The following PGC variants were observed in gnomAD, a reference collection of about 807,000 sequenced individuals.
The protein encoded by PGC is progastricsin, also known as gastricsin.
A neutral mutation model predicts 45.9 loss-of-function variants in PGC; 31 were observed. The ratio of observed to expected loss-of-function variants is 0.67; its 90% CI spans 0.51 to 0.91. The LOEUF (loss-of-function observed/expected upper bound fraction) is 0.91. Among genes scored for constraint, PGC ranks in the 40% least tolerant of loss-of-function variants. PGC has a pLI of 0.00. For synonymous variants in PGC, 192 were observed against 201.8 expected (o/e 0.95, Z 0.41); for missense variants, 477 against 493.2 (o/e 0.97, Z 0.31).
chr6:41,739,018 C>G (rs1309071146), intron 7 of PGC, among the ~76,000 whole-genome samples: 5 of 152,040 alleles, frequency 3.3e-5, no homozygotes, highest in Admixed American at 3.3e-4. Flanking sequence ...ATAATGAGTA[C>G]CCCACTGGTC....
chr6:41,747,234 C>T (rs200061746), intron 1 of PGC, 42 bp downstream of exon 1: 15 of 1,573,402 alleles, frequency 9.5e-6, no homozygotes, highest in Non-Finnish European at 1.3e-5. Flanking sequence ...CTTTAGGCTC[C>T]CATCCAGGCT....
At chr6:41,743,458 G>T in intron 3 of PGC, 69 bp from the exon 4 acceptor site, 1 of 954,280 alleles carries the variant, frequency 1.0e-6, no homozygotes, top group Non-Finnish European at 1.7e-6. Context: ...CAGGCCTGCC[G>T]GGTTCCCACC....
intron 6 of PGC, 66 bp from the exon 7 acceptor site, chr6:41,740,012 C>G: frequency 2.7e-6 from 4 of 1,458,486 alleles, no homozygotes; most frequent in Non-Finnish European, 3.8e-6. Context: ...GCGGGCTTTC[C>G]CCACCACTGT....
rs113069129 is a variant in PGC, at chr6:41,740,471, G to A, written c.767+20C>T. 1 of 1,594,872 alleles carries A rather than the reference G, an allele frequency of 6.3e-7. No homozygotes were observed. Among genetic ancestry groups the A allele is most frequent in the South Asian group, 1.1e-5 (1 of 88,266 alleles). ...ACTCCAAGGAAGTGCCACATCCCCAGGGCCCCACCGCAGACTCACTCTTCA... is the reference window on the plus strand; with the variant it reads ...ACTCCAAGGAAGTGCCACATCCCCAAGGCCCCACCGCAGACTCACTCTTCA... On this transcript the variant is annotated intron_variant, in intron 6 of 8. Coordinates refer to ENST00000373025, the MANE Select transcript of PGC (RefSeq NM_002630.4).
intron 4 of PGC, among the ~76,000 whole-genome samples, chr6:41,742,938 A>G (rs1348444705): frequency 6.6e-6 from 1 of 152,118 alleles, no homozygotes; most frequent in Non-Finnish European, 1.5e-5. Flanking sequence ...CTGCCTCTTG[A>G]CAGGTGTTGC....
Position 41,739,905 on chromosome 6 carries a change from C to G in PGC, c.809G>C (p.Gly270Ala). ...GGQASGWCSE[G>A]CQAIVDTGTS... ...GCCTGTGTCCACGATGGCCTGGCAA[C>G]CCTCAGAACACCAGCCGGAGGCCTG... Residue 270 changes from glycine (G) to alanine (A), a missense_variant, in exon 7 of 9, where the codon GGT (glycine) becomes GCT (alanine). Transcript: ENST00000373025. The G allele has an allele frequency of 6.2e-7, 1 of 1,614,160 alleles. No homozygotes were observed. Among genetic ancestry groups the G allele is most frequent in the Non-Finnish European group, 8.5e-7 (1 of 1,179,996 alleles).
In PGC at chr6:41,742,380, G is replaced by A. The variant is rs1771844474; in HGVS notation, c.557C>T (p.Ala186Val). The A allele has an allele frequency of 9.9e-6, 16 of 1,614,180 alleles. No individual in the cohort carries two copies. Among genetic ancestry groups the A allele is most frequent in the Non-Finnish European group, 1.4e-5 (16 of 1,180,010 alleles). The change falls in exon 5 of 9, where the codon GCT becomes GTT. Residue 186 changes from alanine to valine, a missense_variant. Physicochemically the swap from Ala to Val is moderately conservative, Grantham distance 64 (BLOSUM62 0). Transcript: ENST00000373025. Reference sequence around the variant, plus strand: ...TGTGGTGGCCTCATCCACGGACAGAGCAGGGTAGGCCAGGCCCATGATGCC... The same window carrying A: ...TGTGGTGGCCTCATCCACGGACAGAACAGGGTAGGCCAGGCCCATGATGCC... ...FDGIMGLAYPALSVDEATTAM... is the reference protein window; with the variant it reads ...FDGIMGLAYPVLSVDEATTAM...
Position 41,736,791 on chromosome 6 carries a change from A to G in PGC, c.*61T>C. 2 of 1,547,814 alleles carry G rather than the reference A, an allele frequency of 1.3e-6. No homozygotes were observed. Among genetic ancestry groups the G allele is most frequent in the Non-Finnish European group, 1.8e-6 (2 of 1,119,892 alleles). On this transcript the variant is annotated 3_prime_UTR_variant, in exon 9 of 9. Coordinates refer to ENST00000373025, the MANE Select transcript of PGC (RefSeq NM_002630.4). Reference sequence around the variant, plus strand: ...AATCCAGAGTGGAAAGACAGATACAATGCCCTAGGAGGGTGCAGGGTCAAG... The same window carrying G: ...AATCCAGAGTGGAAAGACAGATACAGTGCCCTAGGAGGGTGCAGGGTCAAG...
In PGC at chr6:41,742,733, T is replaced by C. The variant is rs573267355; in HGVS notation, c.448-244A>G. Among the ~76,000 whole-genome samples the C allele has an allele frequency of 6.6e-5, 10 of 152,356 alleles. No homozygotes were observed. The South Asian group carries it at 2.1e-3, about 32-fold the overall frequency. Reference sequence around the variant, plus strand: ...TCTGCTCCCCTGGTTCTAGCGATTCTCCTGCCTCAGCCTCCCGAGTAGCTG... The same window carrying C: ...TCTGCTCCCCTGGTTCTAGCGATTCCCCTGCCTCAGCCTCCCGAGTAGCTG... On this transcript the variant is annotated intron_variant, in intron 4 of 8. Transcript: ENST00000373025.
At chr6:41,738,553 AG>A (rs796189253) in intron 7 of PGC, among the ~76,000 whole-genome samples, 2 of 152,094 alleles carry the variant, frequency 1.3e-5, no homozygotes, top group African/African-American at 4.8e-5. Context: ...GCTTGAGCCC[AG>A]GAGGCGGAGC....
chr6:41,746,017 C>T (rs1229011014), intron 1 of PGC, among the ~76,000 whole-genome samples: 1 of 151,794 alleles, frequency 6.6e-6, no homozygotes, highest in African/African-American at 2.4e-5. Context: ...ACAAAATTAG[C>T]CGGGCATGGT....
rs1771885212 is a variant in PGC at position 41,744,282 on chromosome 6, T to A, written c.328+115A>T. On this transcript the variant is annotated intron_variant, in intron 3 of 8. Coordinates refer to ENST00000373025, the MANE Select transcript of PGC (RefSeq NM_002630.4). This position sits in a 1 kb window ranked among gnomAD's most constrained non-coding sequence, Gnocchi z 4.4. ...GTGGCCCTGCACATGTCCCTGGTCC[T>A]CCCCAGGACTGAGCTCCCCTCAGTC... 4.5e-6 allele frequency: 3 copies of A among 663,536 alleles called. No homozygotes were observed. The African/African-American group carries it at 5.4e-5, about 12-fold the overall frequency. 41.1% of individuals were successfully genotyped at this position (663,536 alleles called of 1,614,324 possible).
intron 3 of PGC, among the ~76,000 whole-genome samples, chr6:41,743,595 C>T (rs1320794073): frequency 1.3e-5 from 2 of 152,226 alleles, no homozygotes; most frequent in East Asian, 3.8e-4. Flanking sequence ...TTCTGACTTA[C>T]AGAATCTTGG....
intron 7 of PGC, among the ~76,000 whole-genome samples, chr6:41,738,193 T>TATATATATGCATATATATATGC (rs1771740760): frequency 2.8e-5 from 1 of 35,356 alleles, no homozygotes; most frequent in African/African-American, 7.6e-5. Flanking sequence ...TATATATGCA[T>TATATATATGCATATATATATGC]ATATATATGC....
chr6:41,741,021 G>T (rs1430190857), intron 5 of PGC: 1 of 1,536,354 alleles, frequency 6.5e-7, no homozygotes, highest in East Asian at 2.4e-5. Flanking sequence ...CCTAGTGGTT[G>T]GGACCCCCAG....
At position 41,744,521 on chromosome 6, in the gene PGC, G is replaced by A. The variant is rs1771890885; in HGVS notation, c.211-7C>T. On this transcript the variant is annotated splice_region_variant and splice_polypyrimidine_tract_variant and intron_variant, in intron 2 of 8. Coordinates refer to ENST00000373025, the MANE Select transcript of PGC (RefSeq NM_002630.4). This position sits in a 1 kb window ranked among gnomAD's most constrained non-coding sequence, Gnocchi z 4.4. ...TCTCACCAAAGTAGGCAGCCTGGGG[G>A]CCATGGAGCAAGCTGTTAGTTCCAG... The A allele has an allele frequency of 6.2e-7, 1 of 1,607,482 alleles. No homozygotes were observed. The highest frequency in any genetic ancestry group is 8.5e-7 in the Non-Finnish European group (1 of 1,174,586).
At position 41,744,369 on chromosome 6, in the gene PGC, A is replaced by G. The variant is rs886859030; in HGVS notation, c.328+28T>C. 2 of 1,520,400 alleles carry G rather than the reference A, an allele frequency of 1.3e-6. No individual in the cohort carries two copies. Among genetic ancestry groups the G allele is most frequent in the East Asian group, 4.5e-5 (2 of 44,112 alleles). 94.2% of individuals were successfully genotyped at this position (1,520,400 alleles called of 1,614,324 possible). ...GTATCAGTGCCTTGCCCTGCCAACC[A>G]CCCCTCTCTGCCCAGCCCAGCACTC... On this transcript the variant is annotated intron_variant, in intron 3 of 8. Coordinates refer to ENST00000373025, the MANE Select transcript of PGC (RefSeq NM_002630.4). The surrounding 1 kb of genome is among the most constrained non-coding windows in gnomAD (Gnocchi z 4.4).
In PGC at chr6:41,736,741, T is replaced by C; in HGVS notation, c.*111A>G. ...AAGAACTATTTATTATTAGAGAAAG[T>C]CCAGAGTCCAGAAAAAGAAGGCTGA... On this transcript the variant is annotated 3_prime_UTR_variant, in exon 9 of 9. Coordinates refer to ENST00000373025, the MANE Select transcript of PGC (RefSeq NM_002630.4). 1.8e-6 allele frequency: 2 copies of C among 1,112,888 alleles called. No homozygotes were observed. The highest frequency in any genetic ancestry group is 2.3e-5 in the East Asian group (1 of 42,572). The allele number at this position is 1,112,888 out of a possible 1,614,324, so 68.9% of individuals were successfully genotyped here.
intron 1 of PGC, among the ~76,000 whole-genome samples, chr6:41,745,014 T>TGCGCGC (rs10616955): frequency 5.0e-5 from 5 of 99,888 alleles, no homozygotes; most frequent in South Asian, 4.1e-4. Context: ...TGTGTGTGTG[T>TGCGCGC]GCGCGCGCGC....
Sources: allele counts gnomAD v4.1 joint callset (sites outside exome capture counted in the v4.1 genomes callset), GRCh38; gene constraint gnomAD v4.1.1; non-coding constraint Gnocchi (gnomAD v3.1); transcripts MANE v1.5; gene names NCBI Gene and HGNC (gene_info 2026-07-23, HGNC 2026-07-21).